LAMA3: variants seen among roughly 807,000 people sequenced by gnomAD.
LAMA3 encodes the protein laminin subunit alpha-3.
A neutral mutation model predicts 402.0 loss-of-function variants in LAMA3; 281 were observed. The ratio of observed to expected loss-of-function variants is 0.70; its 90% CI spans 0.63 to 0.77. The LOEUF (loss-of-function observed/expected upper bound fraction) is 0.77. LAMA3 is among the 30% of genes least tolerant of loss of function. The pLI is 0.00. For missense variants in LAMA3, 3,840 were observed against 4,215.5 expected (o/e 0.91, Z 2.47); for synonymous variants, 1,431 against 1,558.4 (o/e 0.92, Z 1.93).
At chr18:23,794,662 T>C (rs2062727649) in intron 12 of LAMA3, among the ~76,000 whole-genome samples, 1 of 152,176 alleles carries the variant, frequency 6.6e-6, no homozygotes, top group Non-Finnish European at 1.5e-5. Flanking sequence ...AGAGTTTTCA[T>C]CTAGGTGCAG....
chr18:23,774,467 C>A lies in LAMA3; in HGVS notation c.1273+880C>A, dbSNP rs184296851. Among the ~76,000 whole-genome samples the A allele has an allele frequency of 2.4e-3, 361 of 152,224 alleles. 1 individual carries two copies. The highest frequency in any genetic ancestry group is 8.2e-3 in the African/African-American group (341 of 41,532). On this transcript the variant is annotated intron_variant, in intron 9 of 74. Coordinates refer to ENST00000313654, the MANE Select transcript of LAMA3 (RefSeq NM_198129.4). ...TCTGAGTAGTTATATATAATTTAGGCTAGGTGACAAAACCGCTAACTGCTA... is the reference window on the plus strand; with the variant it reads ...TCTGAGTAGTTATATATAATTTAGGATAGGTGACAAAACCGCTAACTGCTA...
intron 12 of LAMA3, among the ~76,000 whole-genome samples, chr18:23,810,139 A>G (rs1568206932): frequency 6.6e-6 from 1 of 152,186 alleles, no homozygotes; most frequent in Non-Finnish European, 1.5e-5. Flanking sequence ...CAATCCTCAC[A>G]ACAAGTTATC....
chr18:23,954,655 C>T lies in LAMA3; in HGVS notation c.*7C>T. 1 of 1,613,964 alleles carries T rather than the reference C, an allele frequency of 6.2e-7. No individual in the cohort carries two copies. The highest frequency in any genetic ancestry group is 8.5e-7 in the Non-Finnish European group (1 of 1,179,926). Reference sequence around the variant, plus strand: ...TGGTTGTCCTGACCAGTAACCCAAGCCTATTTCACAGCAAGGAAATTCACC... The same window carrying T: ...TGGTTGTCCTGACCAGTAACCCAAGTCTATTTCACAGCAAGGAAATTCACC... On this transcript the variant is annotated 3_prime_UTR_variant, in exon 75 of 75. Coordinates refer to ENST00000313654, the MANE Select transcript of LAMA3 (RefSeq NM_198129.4).
At chr18:23,816,574 G>A (rs2063180052) in intron 18 of LAMA3, 87 bp downstream of exon 18, 2 of 1,093,518 alleles carry the variant, frequency 1.8e-6, no homozygotes, top group South Asian at 2.6e-5. Context: ...CTGGAGAAGA[G>A]AGAAGCAGCC....
chr18:23,822,444 A>AT lies in LAMA3; in HGVS notation c.2428+73dup, dbSNP rs2144405644. On this transcript the variant is annotated intron_variant, in intron 20 of 74. Transcript: ENST00000313654. ...AATAAATAGTGAAACACTTTCTCTGATTTTCACAAAGTTGATCACCCTTAG... is the reference window on the plus strand; with the variant it reads ...AATAAATAGTGAAACACTTTCTCTGATTTTTCACAAAGTTGATCACCCTTAG... 4.6e-6 allele frequency: 7 copies of AT among 1,519,108 alleles called. No individual in the cohort carries two copies. In the South Asian group the frequency reaches 7.9e-5, roughly 17 times the overall value. 94.1% of individuals were successfully genotyped at this position (1,519,108 alleles called of 1,614,324 possible).
Position 23,784,118 on chromosome 18 carries a change from ACCTGCCG to A in LAMA3, c.1566_1572del (p.Cys523LeufsTer27). ...TGGGGTTGAGGGCCCTCGATGTGAT[ACCTGCCG>A]CTCTGGTTTCTACTCATTCCCTATT... On this transcript the variant is annotated frameshift_variant, in exon 12 of 75. Transcript: ENST00000313654. LOFTEE classifies it high-confidence loss of function. 6.2e-7 allele frequency: 1 copy of A among 1,612,846 alleles called. No homozygotes were observed. The highest frequency in any genetic ancestry group is 8.5e-7 in the Non-Finnish European group (1 of 1,179,730).
At chr18:23,872,487 C>T (rs904784655) in intron 38 of LAMA3, among the ~76,000 whole-genome samples, 3 of 152,108 alleles carry the variant, frequency 2.0e-5, no homozygotes, top group Admixed American at 6.6e-5. Flanking sequence ...TCCATAAGTA[C>T]GTAGGCTTAG....
rs368666613 is a variant in LAMA3, at chr18:23,785,321, T to C, written c.1603+1164T>C. Among the ~76,000 whole-genome samples the C allele has an allele frequency of 6.6e-5, 10 of 152,298 alleles. No homozygotes were observed. In the East Asian group the frequency reaches 1.2e-3, roughly 18 times the overall value. ...GAACACTGGAGGATATTAGAATAGG[T>C]ATTAGGTCATCTCACCTGCAAGGTC... On this transcript the variant is annotated intron_variant, in intron 12 of 74. Coordinates refer to ENST00000313654, the MANE Select transcript of LAMA3 (RefSeq NM_198129.4).
intron 40 of LAMA3, 81 bp downstream of exon 40, chr18:23,882,126 G>A: frequency 1.2e-6 from 1 of 840,830 alleles, no homozygotes. Context: ...GAGAGCAGGT[G>A]GGGAGAATGG....
intron 39 of LAMA3, among the ~76,000 whole-genome samples, chr18:23,877,103 G>A (rs2064747239): frequency 6.6e-6 from 1 of 152,156 alleles, no homozygotes; most frequent in African/African-American, 2.4e-5. Context: ...CTACTGCCAA[G>A]ACAGAGCGGG....
chr18:23,765,987 T>A (rs2062067965), intron 8 of LAMA3, among the ~76,000 whole-genome samples: 1 of 151,798 alleles, frequency 6.6e-6, no homozygotes, highest in African/African-American at 2.4e-5. Context: ...GCTAAAGATG[T>A]AAGGAACATG....
rs139393524 is a variant in LAMA3 at position 23,949,813 on chromosome 18, G to C, written c.9400G>C (p.Asp3134His). 1,080 of 1,614,048 alleles carry C rather than the reference G, an allele frequency of 6.7e-4. 5 individuals carry two copies. The highest frequency in any genetic ancestry group is 3.6e-3 in the Middle Eastern group (22 of 6,062). Residue 3134 changes from aspartate (D) to histidine (H), a missense_variant, in exon 71 of 75, where the codon GAT becomes CAT. Around this residue, in one of 3 missense-constraint regions of LAMA3, gnomAD observed 840 missense variants for 981.9 expected, o/e 0.86. Coordinates refer to ENST00000313654, the MANE Select transcript of LAMA3 (RefSeq NM_198129.4). ...GGGATGCCTGAAGAACTTTCAGCTGGATTCAAAACCCTTGTATACCCCTTC... is the reference window on the plus strand; with the variant it reads ...GGGATGCCTGAAGAACTTTCAGCTGCATTCAAAACCCTTGTATACCCCTTC... The part of the protein sequence containing the change: ...FVGCLKNFQL[D>H]SKPLYTPSSS...
intron 32 of LAMA3, among the ~76,000 whole-genome samples, chr18:23,850,782 A>G (rs1168692152): frequency 6.6e-6 from 1 of 152,232 alleles, no homozygotes; most frequent in Non-Finnish European, 1.5e-5. Context: ...TGAACATACA[A>G]AAGGGCTAGA....
chr18:23,847,646 G>A lies in LAMA3; in HGVS notation c.4114G>A (p.Asp1372Asn). Residue 1372 changes from aspartate (D) to asparagine (N), a missense_variant, in exon 32 of 75, where the codon GAC becomes AAC. Physicochemically the swap from Asp to Asn is conservative, Grantham distance 23 (BLOSUM62 1). Around this residue, in one of 3 missense-constraint regions of LAMA3, gnomAD observed 2,109 missense variants for 2,376.0 expected, o/e 0.89. Transcript: ENST00000313654. The stretch of plus-strand genomic sequence containing the variant: ...CATCGAGGCTGCCATGCCGGAGTGT[G>A]ACCGGGACAGCGGGCAGTGCAGGTG... ...GTIEAAMPEC[D>N]RDSGQCRCKP... 1 of 1,613,880 alleles carries A rather than the reference G, an allele frequency of 6.2e-7. No homozygotes were observed. Among genetic ancestry groups the A allele is most frequent in the East Asian group, 2.2e-5 (1 of 44,870 alleles).
chr18:23,862,875 G>T (rs2064257209), intron 35 of LAMA3, among the ~76,000 whole-genome samples: 1 of 152,078 alleles, frequency 6.6e-6, no homozygotes, highest in Non-Finnish European at 1.5e-5. Flanking sequence ...TCTGCTTCTG[G>T]CTAGCTGTGG....
Position 23,737,133 on chromosome 18 carries a change from A to G in LAMA3, c.448-10810A>G, listed in dbSNP as rs549801088. On this transcript the variant is annotated intron_variant, in intron 2 of 74. Transcript: ENST00000313654. ...TGGCTCCAGTTTCTCTGTTTAATCC[A>G]CACCTTCTGAGGCAGATCTGTCTGG... is the stretch of plus-strand genomic sequence containing the variant. Among the ~76,000 whole-genome samples the G allele has an allele frequency of 1.0e-4, 15 of 150,426 alleles. No homozygotes were observed. The East Asian group carries it at 2.6e-3, about 26-fold the overall frequency.
At chr18:23,835,482 T>A (rs1207611588) in intron 24 of LAMA3, among the ~76,000 whole-genome samples, 1 of 152,182 alleles carries the variant, frequency 6.6e-6, no homozygotes, top group Non-Finnish European at 1.5e-5. Flanking sequence ...GAGAGTGAAC[T>A]GCATGTCAGT....
Position 23,954,751 on chromosome 18 carries a change from C to A in LAMA3, c.*103C>A. ...ATCATTCTTCACTCAGGACACAAAC[C>A]AGACAGGTTTAATAGCGAATCTAAT... On this transcript the variant is annotated 3_prime_UTR_variant, in exon 75 of 75. Transcript: ENST00000313654. 2.4e-6 allele frequency: 3 copies of A among 1,252,438 alleles called. No homozygotes were observed. The East Asian group carries it at 6.9e-5, about 29-fold the overall frequency. 77.6% of individuals were successfully genotyped at this position (1,252,438 alleles called of 1,614,324 possible).
At chr18:23,831,755 G>A (rs530274608) in intron 23 of LAMA3, among the ~76,000 whole-genome samples, 1 of 152,194 alleles carries the variant, frequency 6.6e-6, no homozygotes, top group Admixed American at 6.5e-5. Context: ...CAAATCATTT[G>A]AATCCTCATT....
Sources: allele counts gnomAD v4.1 joint callset (sites outside exome capture counted in the v4.1 genomes callset), GRCh38; gene constraint gnomAD v4.1.1; regional missense constraint gnomAD v4.1.1; transcripts MANE v1.5; gene names NCBI Gene and HGNC (gene_info 2026-07-23, HGNC 2026-07-21).